Variants in KDM2B observed in about 807,000 individuals in gnomAD.
KDM2B encodes the protein lysine demethylase 2B.
Under a neutral mutation model 150.0 loss-of-function variants are expected in KDM2B, and 26 were observed. That is an observed-to-expected ratio of 0.17 (90% CI 0.13 to 0.24). The LOEUF is 0.24. Ranked by LOEUF, KDM2B falls within the 10% of genes least tolerant of loss-of-function variation. KDM2B has a pLI of 1.00. For missense variants in KDM2B, 1,265 were observed against 1,816.9 expected (o/e 0.70, Z 5.52); for synonymous variants, 734 against 729.5 (o/e 1.01, Z -0.10).
chr12:121,516,495 G>T, intron 9 of KDM2B: 1 of 1,376,850 alleles, frequency 7.3e-7, no homozygotes, highest in Non-Finnish European at 9.5e-7. Context: ...TCCACCCTTC[G>T]CCTTCAAAAG....
chr12:121,421,915 G>A, the KDM2B span, among the ~76,000 whole-genome samples: 2 of 152,116 alleles, frequency 1.3e-5, no homozygotes, highest in Non-Finnish European at 2.9e-5. Flanking sequence ...ATTTGTTGAT[G>A]AACAGGTTTA....
At chr12:121,439,594 C>T (rs1555287621) in intron 22 of KDM2B, among the ~76,000 whole-genome samples, 1 of 152,026 alleles carries the variant, frequency 6.6e-6, no homozygotes, top group East Asian at 1.9e-4. Flanking sequence ...GTTGGCCAGG[C>T]TAGTCTCGAA....
At chr12:121,532,302 C>T (rs1887724437) in intron 8 of KDM2B, among the ~76,000 whole-genome samples, 1 of 152,118 alleles carries the variant, frequency 6.6e-6, no homozygotes, top group African/African-American at 2.4e-5. Flanking sequence ...CAGCCAAAAG[C>T]CCTTAGTCCA....
chr12:121,423,645 C>T, the KDM2B span: 2 of 1,344,634 alleles, frequency 1.5e-6, no homozygotes, highest in African/African-American at 1.4e-5. The surrounding 1 kb of genome is among the most constrained non-coding windows in gnomAD (Gnocchi z 4.3). Flanking sequence ...ACAGAAGGGA[C>T]TGGAAAGTTA....
At chr12:121,573,579 G>A (rs1307249304) in intron 4 of KDM2B, among the ~76,000 whole-genome samples, 1 of 144,184 alleles carries the variant, frequency 6.9e-6, no homozygotes, top group South Asian at 2.2e-4. Context: ...TCGGCCTACT[G>A]TTTACTTCTT....
intron 1 of KDM2B, among the ~76,000 whole-genome samples, chr12:121,579,199 TC>T (rs1891743877): frequency 6.6e-6 from 1 of 152,260 alleles, no homozygotes; most frequent in Non-Finnish European, 1.5e-5. Flanking sequence ...TGAAGGGACA[TC>T]TGGGGACCCT....
chr12:121,535,000 T>C (rs1887971838), intron 6 of KDM2B, among the ~76,000 whole-genome samples: 1 of 152,104 alleles, frequency 6.6e-6, no homozygotes, highest in African/African-American at 2.4e-5. Flanking sequence ...CCAGCCCCCT[T>C]TGTAGCAGCT....
At chr12:121,416,830 T>C in the KDM2B span, among the ~76,000 whole-genome samples, 1 of 152,236 alleles carries the variant, frequency 6.6e-6, no homozygotes, top group African/African-American at 2.4e-5. Context: ...TTCACTAAGA[T>C]GGAAAGTCAT....
chr12:121,550,480 T>C (rs1366014380), intron 4 of KDM2B, among the ~76,000 whole-genome samples: 2 of 152,202 alleles, frequency 1.3e-5, no homozygotes, highest in Admixed American at 6.5e-5. Context: ...CGGCCTATCA[T>C]TGTGTGACCC....
intron 22 of KDM2B, among the ~76,000 whole-genome samples, chr12:121,432,608 T>G (rs1219834980): frequency 6.6e-6 from 1 of 152,138 alleles, no homozygotes; most frequent in African/African-American, 2.4e-5. Flanking sequence ...TTGTTCCATC[T>G]CTCCTGTTTT....
chr12:121,450,668 G>A (rs1305277713), intron 13 of KDM2B, among the ~76,000 whole-genome samples: 1 of 152,156 alleles, frequency 6.6e-6, no homozygotes, highest in Admixed American at 6.5e-5. Context: ...GACCATCCTA[G>A]CCAACATGGT....
At chr12:121,433,183 C>T (rs1555285937) in intron 22 of KDM2B, 3 of 456,620 alleles carry the variant, frequency 6.6e-6, no homozygotes, top group Non-Finnish European at 1.3e-5. Flanking sequence ...AAAACTGGAG[C>T]CCAAAGACCC....
rs146560042 is a variant in KDM2B, at chr12:121,429,182, T to G, written c.*1106A>C. 2 of 152,490 alleles carry G rather than the reference T, an allele frequency of 1.3e-5. No individual in the cohort carries two copies. The highest frequency in any genetic ancestry group is 3.9e-4 in the East Asian group (2 of 5,166). 9.4% of individuals were successfully genotyped at this position (152,490 alleles called of 1,614,324 possible). On this transcript the variant is annotated 3_prime_UTR_variant, in exon 23 of 23. Transcript: ENST00000377071. Reference sequence around the variant, plus strand: ...AGAAACCCTCAAAGTTCAAGAGTGGTTTTTTTTGTACAATTGTTTATACAA... The same window carrying G: ...AGAAACCCTCAAAGTTCAAGAGTGGGTTTTTTTGTACAATTGTTTATACAA...
chr12:121,530,272 C>T (rs1165530028), intron 8 of KDM2B, among the ~76,000 whole-genome samples: 2 of 151,898 alleles, frequency 1.3e-5, no homozygotes, highest in Admixed American at 6.6e-5. Flanking sequence ...TCAGTGGACC[C>T]CAGTCTCTGG....
Position 121,442,960 on chromosome 12 carries a change from C to T in KDM2B, c.2604+32G>A. 6.2e-7 allele frequency: 1 copy of T among 1,611,994 alleles called. No homozygotes were observed. The highest frequency in any genetic ancestry group is 1.1e-5 in the South Asian group (1 of 90,680). On this transcript the variant is annotated intron_variant, in intron 18 of 22. Transcript: ENST00000377071. The surrounding 1 kb of genome is among the most constrained non-coding windows in gnomAD (Gnocchi z 7.7). Reference sequence around the variant, plus strand: ...TGCGGTGCAGCTCTAACCGCTCAGGCCTGGGGCACAGGAGGGAGGGGAAGA... The same window carrying T: ...TGCGGTGCAGCTCTAACCGCTCAGGTCTGGGGCACAGGAGGGAGGGGAAGA...
chr12:121,446,377 G>C (rs553605443), intron 13 of KDM2B, among the ~76,000 whole-genome samples: 4 of 152,278 alleles, frequency 2.6e-5, no homozygotes, highest in East Asian at 1.9e-4. Context: ...CAGCCTGGGC[G>C]ACAGAGCGAG....
At chr12:121,482,520 T>A (rs1212955437) in intron 12 of KDM2B, among the ~76,000 whole-genome samples, 1 of 151,974 alleles carries the variant, frequency 6.6e-6, no homozygotes, top group Non-Finnish European at 1.5e-5. Flanking sequence ...CAGGATGGTC[T>A]CAATCTCCGG....
chr12:121,580,623 G>A (rs951566484), intron 1 of KDM2B, among the ~76,000 whole-genome samples, 163 bp downstream of exon 1: 2 of 152,090 alleles, frequency 1.3e-5, no homozygotes, highest in Non-Finnish European at 2.9e-5. Flanking sequence ...AGATTTGCAC[G>A]GCTGGCCTCA....
rs1382768225 is a variant in KDM2B, at chr12:121,449,148, C to T, written c.1960-3730G>A. Reference sequence around the variant, plus strand: ...CTGAGCCAGGTGGCAGGATGGGAGGCGGTGCCAGAGGCAAATCTCCTGCAG... The same window carrying T: ...CTGAGCCAGGTGGCAGGATGGGAGGTGGTGCCAGAGGCAAATCTCCTGCAG... On this transcript the variant is annotated intron_variant, in intron 13 of 22. Coordinates refer to ENST00000377071, the MANE Select transcript of KDM2B (RefSeq NM_032590.5). 3.7e-5 allele frequency among the ~76,000 whole-genome samples: 5 copies of T among 136,878 alleles called. No homozygotes were observed. In the East Asian group the frequency reaches 8.5e-4, roughly 23 times the overall value. 89.8% of individuals were successfully genotyped at this position (136,878 alleles called of 152,430 possible). A position where few individuals can be genotyped will look rare whatever the true frequency, so the allele number is the denominator to read the frequency against.
Sources: gnomAD v4.1 joint callset for allele counts (sites outside exome capture counted in the v4.1 genomes callset) on GRCh38, gnomAD v4.1.1 for gene constraint, Gnocchi (gnomAD v3.1) non-coding constraint, MANE v1.5 for transcripts, NCBI Gene and HGNC (gene_info 2026-07-23, HGNC 2026-07-21) for gene names.